EFCAB13: variants seen among roughly 807,000 people sequenced by gnomAD.
The protein encoded by EFCAB13 is EF-hand calcium binding domain 13.
In EFCAB13, 91 loss-of-function variants were observed where a neutral mutation model predicts 110.2. That is an observed-to-expected ratio of 0.83 (90% CI 0.70 to 0.98). The LOEUF is 0.98. Among genes scored for constraint, EFCAB13 ranks in the 50% least tolerant of loss-of-function variants. The probability of loss-of-function intolerance (pLI) is 0.00; values close to 1 mark genes in which losing one functional copy is unlikely to be tolerated. For synonymous variants in EFCAB13, 323 were observed against 369.9 expected, an observed-to-expected ratio of 0.87 and a Z score of 1.45; for missense variants, 968 against 1,119.4, an observed-to-expected ratio of 0.86 and a Z score of 1.93.
chr17:47,391,312 A>G, intron 14 of EFCAB13, 125 bp from the exon 15 acceptor site: 1 of 627,912 alleles, frequency 1.6e-6, no homozygotes, highest in Non-Finnish European at 2.5e-6. Flanking sequence ...TGCTTTTAGT[A>G]TATAACACTG....
chr17:47,412,805 G>A lies in EFCAB13; in HGVS notation c.2311G>A (p.Val771Ile). 2 of 1,613,592 alleles carry A rather than the reference G, an allele frequency of 1.2e-6. No homozygotes were observed. Among genetic ancestry groups the A allele is most frequent in the South Asian group, 1.1e-5 (1 of 91,044 alleles). Reference sequence around the variant, plus strand: ...AGAAGCTGCTAACATCTTGTCACATGTCGATAATGGCAAGATTGGTATACC... The same window carrying A: ...AGAAGCTGCTAACATCTTGTCACATATCGATAATGGCAAGATTGGTATACC... ...IKEAANILSHVDNGKIGIPDL... is the reference protein window; with the variant it reads ...IKEAANILSHIDNGKIGIPDL... Residue 771 changes from valine to isoleucine, a missense_variant, in exon 22 of 25, where the codon GTC becomes ATC. Val to Ile is a conservative substitution (Grantham distance 29). Transcript: ENST00000331493.
At chr17:47,352,848 A>G (rs953299540) in intron 9 of EFCAB13, among the ~76,000 whole-genome samples, 3 of 152,188 alleles carry the variant, frequency 2.0e-5, no homozygotes, top group Non-Finnish European at 2.9e-5. Flanking sequence ...TAGCTAAGCT[A>G]AATGGCATTG....
chr17:47,427,505 G>A (rs1396744030), intron 23 of EFCAB13, among the ~76,000 whole-genome samples: 3 of 151,986 alleles, frequency 2.0e-5, no homozygotes, highest in Non-Finnish European at 2.9e-5. Flanking sequence ...TCTTCATAGC[G>A]TTAATTCCTT....
intron 23 of EFCAB13, among the ~76,000 whole-genome samples, chr17:47,417,918 C>T (rs1904506991): frequency 6.6e-6 from 1 of 152,134 alleles, no homozygotes. Flanking sequence ...TTTAAAGGCT[C>T]TTATGACCCC....
In EFCAB13 at chr17:47,324,484, TG is replaced by T. The variant is rs1288908233; in HGVS notation, c.-284del. 1.3e-5 allele frequency: 2 copies of T among 152,136 alleles called. No homozygotes were observed. Among genetic ancestry groups the T allele is most frequent in the Non-Finnish European group, 2.9e-5 (2 of 68,014 alleles). 9.4% of individuals were successfully genotyped at this position (152,136 alleles called of 1,614,324 possible). A position where few individuals can be genotyped will look rare whatever the true frequency, so the allele number is the denominator to read the frequency against. ...GTTGGCTTCGTAAGAGCAGGGTCTATGGGAAGCCTCCTCAGCGTGGGTTCTT... is the reference window on the plus strand; with the variant it reads ...GTTGGCTTCGTAAGAGCAGGGTCTATGGAAGCCTCCTCAGCGTGGGTTCTT... On this transcript the variant is annotated 5_prime_UTR_variant, in exon 2 of 25. It introduces an in-frame stop codon into an upstream open reading frame of the 5' UTR. Coordinates refer to ENST00000331493, the MANE Select transcript of EFCAB13 (RefSeq NM_152347.5).
chr17:47,342,151 G>C (rs1483535940), intron 6 of EFCAB13, 119 bp downstream of exon 6: 1 of 579,776 alleles, frequency 1.7e-6, no homozygotes, highest in African/African-American at 2.0e-5. Flanking sequence ...ATCACTACCT[G>C]GTCTTGCTTC....
intron 14 of EFCAB13, among the ~76,000 whole-genome samples, chr17:47,379,807 TA>T (rs1161937104): frequency 6.6e-6 from 1 of 152,194 alleles, no homozygotes; most frequent in African/African-American, 2.4e-5. Flanking sequence ...CGAAAGATAT[TA>T]AGGCTTGCTG....
In EFCAB13 at chr17:47,402,150, T is replaced by G. The variant is rs2065782440; in HGVS notation, c.1964T>G (p.Phe655Cys). The change falls in exon 18 of 25, where the codon TTT (phenylalanine) becomes TGT (cysteine). Residue 655 changes from phenylalanine (F) to cysteine (C), a missense_variant. By Grantham distance (205) the Phe-to-Cys change is radical. Coordinates refer to ENST00000331493, the MANE Select transcript of EFCAB13 (RefSeq NM_152347.5). The stretch of plus-strand genomic sequence containing the variant: ...CTCACAGAAGGTGACAAAGTACAAT[T>G]TGAAGAATTTGCAAAAGTAGTAAGG... ...VTVDEGDKVQ[F>C]EEFAKVVRNM... 6.2e-7 allele frequency: 1 copy of G among 1,613,852 alleles called. No homozygotes were observed. Among genetic ancestry groups the G allele is most frequent in the African/African-American group, 1.3e-5 (1 of 74,914 alleles).
At position 47,324,510 on chromosome 17, in the gene EFCAB13, T is replaced by C. The variant is rs1332829805; in HGVS notation, c.-261T>C. ...GGGAAGCCTCCTCAGCGTGGGTTCT[T>C]GGAAGAGGTGGAGGTTCGTTCACTC... is the stretch of plus-strand genomic sequence containing the variant. On this transcript the variant is annotated 5_prime_UTR_variant, in exon 2 of 25. Transcript: ENST00000331493. 3 of 152,088 alleles carry C rather than the reference T, an allele frequency of 2.0e-5. No individual in the cohort carries two copies. The highest frequency in any genetic ancestry group is 1.9e-4 in the East Asian group (1 of 5,186). The allele number at this position is 152,088 out of a possible 1,614,324, so 9.4% of individuals were successfully genotyped here.
intron 24 of EFCAB13, among the ~76,000 whole-genome samples, chr17:47,436,657 C>A (rs1414830358): frequency 2.0e-5 from 3 of 151,590 alleles, no homozygotes; most frequent in African/African-American, 7.3e-5. Flanking sequence ...TGGATTTTCT[C>A]TCTTCTTTTC....
chr17:47,334,042 A>C (rs1464303917), intron 4 of EFCAB13, among the ~76,000 whole-genome samples: 1 of 152,152 alleles, frequency 6.6e-6, no homozygotes, highest in Non-Finnish European at 1.5e-5. Context: ...ACATTTAAAC[A>C]ATATTAATTT....
intron 1 of EFCAB13, 163 bp downstream of exon 1, chr17:47,324,237 TGA>T (rs1775340558): frequency 6.6e-6 from 1 of 152,628 alleles, no homozygotes; most frequent in Non-Finnish European, 1.5e-5. Context: ...AAAGGAACAG[TGA>T]GGGGACTGAG....
intron 8 of EFCAB13, among the ~76,000 whole-genome samples, chr17:47,347,192 A>G (rs2065421980): frequency 6.6e-6 from 1 of 152,200 alleles, no homozygotes; most frequent in African/African-American, 2.4e-5. Flanking sequence ...GTTTAAGCCC[A>G]GGATTTCGCG....
At chr17:47,351,317 G>GCGCGCGCGCACA (rs1555578790) in intron 9 of EFCAB13, among the ~76,000 whole-genome samples, 1 of 113,916 alleles carries the variant, frequency 8.8e-6, no homozygotes, top group African/African-American at 3.2e-5. Flanking sequence ...GCGCGCGCGC[G>GCGCGCGCGCACA]CGCGCGCGCG....
intron 8 of EFCAB13, among the ~76,000 whole-genome samples, chr17:47,346,004 G>A (rs75060912): frequency 6.6e-6 from 1 of 152,120 alleles, no homozygotes; most frequent in South Asian, 2.1e-4. Context: ...TGAAATCTAT[G>A]AAACTGAATC....
chr17:47,357,356 T>A (rs555403789), intron 9 of EFCAB13, among the ~76,000 whole-genome samples: 1 of 152,242 alleles, frequency 6.6e-6, no homozygotes, highest in Non-Finnish European at 1.5e-5. Context: ...AATAGCTTAT[T>A]TACTTTCCTG....
Position 47,345,009 on chromosome 17 carries a change from T to C in EFCAB13, c.435-7T>C. 3 of 1,600,180 alleles carry C rather than the reference T, an allele frequency of 1.9e-6. No homozygotes were observed. Among genetic ancestry groups the C allele is most frequent in the South Asian group, 2.3e-5 (2 of 87,826 alleles). ...GCCACTTTCTAATATGGCTGTTTCT[T>C]TGACAGGGAAAAGGAAATGCTGTCT... On this transcript the variant is annotated splice_polypyrimidine_tract_variant and splice_region_variant and intron_variant, in intron 7 of 24. Transcript: ENST00000331493.
chr17:47,406,909 A>G (rs1414331865), intron 20 of EFCAB13, among the ~76,000 whole-genome samples: 1 of 152,216 alleles, frequency 6.6e-6, no homozygotes, highest in African/African-American at 2.4e-5. Flanking sequence ...ACAAATGACT[A>G]TATCATAGAA....
chr17:47,364,997 C>T (rs8075843), intron 10 of EFCAB13, among the ~76,000 whole-genome samples: 98,013 of 152,060 alleles, frequency 0.64, 32,028 homozygotes, highest in African/African-American at 0.73. Context: ...TTCCTACTTA[C>T]ACTTTAGATC....
Sources: gnomAD v4.1 joint callset for allele counts (sites outside exome capture counted in the v4.1 genomes callset) on GRCh38, gnomAD v4.1.1 for gene constraint, MANE v1.5 for transcripts, NCBI Gene and HGNC (gene_info 2026-07-23, HGNC 2026-07-21) for gene names.